The following ASPH variants were observed in gnomAD, a reference collection of about 807,000 sequenced individuals.
ASPH encodes the protein aspartyl/asparaginyl beta-hydroxylase.
In ASPH, 100 loss-of-function variants were observed where a neutral mutation model predicts 118.4. That is an observed-to-expected ratio of 0.84 (90% confidence interval 0.72 to 1.00). ASPH has a LOEUF of 1.00. ASPH is among the 50% of genes least tolerant of loss of function. The probability of loss-of-function intolerance (pLI) is 0.00; values close to 1 mark genes in which losing one functional copy is unlikely to be tolerated. For missense variants in ASPH, 920 were observed against 919.5 expected (o/e 1.00, Z -0.01); for synonymous variants, 315 against 325.6 (o/e 0.97, Z 0.35).
Position 61,503,475 on chromosome 8 carries a change from CA to C in ASPH, c.2160del (p.Asp720GlufsTer17), listed in dbSNP as rs770595847. 82 of 1,612,604 alleles carry C rather than the reference CA, an allele frequency of 5.1e-5. No individual in the cohort carries two copies. The highest frequency in any genetic ancestry group is 6.4e-5 in the Non-Finnish European group (75 of 1,179,406). On this transcript the variant is annotated frameshift_variant, in exon 25 of 25. Transcript: ENST00000379454. LOFTEE classifies it high-confidence loss of function. The stretch of plus-strand genomic sequence containing the variant: ...TGCCATACCTCGTGCTCAAAGGAGT[CA>C]TCAAAGATGAGCACCTTGCCTTCCT... ...TWEEGKVLIF[D>X]DSFEHEVWQD...
chr8:61,609,386 T>G (rs1846603817), intron 14 of ASPH, among the ~76,000 whole-genome samples: 2 of 442 alleles, frequency 4.5e-3, no homozygotes, highest in East Asian at 0.5. Context: ...CTCCAGACAC[T>G]GCCTGTGAGA....
intron 10 of ASPH, among the ~76,000 whole-genome samples, 193 bp from the exon 11 acceptor site, chr8:61,638,556 C>A (rs773374716): frequency 2.0e-5 from 3 of 152,102 alleles, no homozygotes; most frequent in Non-Finnish European, 4.4e-5. Context: ...GATTCTAATT[C>A]CAGGGCAGCC....
intron 13 of ASPH, among the ~76,000 whole-genome samples, chr8:61,623,319 C>T (rs1040040410): frequency 1.3e-5 from 2 of 152,180 alleles, no homozygotes; most frequent in Admixed American, 6.5e-5. Context: ...AGCACCTTTT[C>T]GTATACCTGT....
chr8:61,517,838 C>A (rs1811462235), intron 23 of ASPH, among the ~76,000 whole-genome samples, 177 bp from the exon 24 acceptor site: 1 of 152,068 alleles, frequency 6.6e-6, no homozygotes, highest in East Asian at 1.9e-4. Context: ...TCACATTTTC[C>A]ACAAAGCTAT....
At chr8:61,577,446 G>A (rs2132183010) in intron 15 of ASPH, among the ~76,000 whole-genome samples, 1 of 126,276 alleles carries the variant, frequency 7.9e-6, no homozygotes, top group South Asian at 2.6e-4. Flanking sequence ...GATAAATGAT[G>A]TAATATGTGG....
At chr8:61,604,033 G>A (rs1431742507) in intron 14 of ASPH, among the ~76,000 whole-genome samples, 3 of 152,332 alleles carry the variant, frequency 2.0e-5, no homozygotes, top group African/African-American at 7.2e-5. Context: ...ATAAAGTACA[G>A]GGACATGGAT....
intron 13 of ASPH, among the ~76,000 whole-genome samples, chr8:61,627,573 T>C (rs1197057545): frequency 2.0e-5 from 3 of 152,204 alleles, no homozygotes; most frequent in Non-Finnish European, 4.4e-5. Context: ...TATACCCCAA[T>C]AGAAAAAGTT....
At chr8:61,679,140 G>A (rs1406582051) in intron 3 of ASPH, among the ~76,000 whole-genome samples, 1 of 152,090 alleles carries the variant, frequency 6.6e-6, no homozygotes, top group Non-Finnish European at 1.5e-5. Flanking sequence ...TTCACCTTTG[G>A]TTTGTTTCAT....
chr8:61,618,925 T>A, intron 14 of ASPH, 53 bp downstream of exon 14: 1 of 1,436,964 alleles, frequency 7.0e-7, no homozygotes, highest in South Asian at 1.2e-5. Context: ...CATAAAATCA[T>A]GTTATTCTTT....
intron 21 of ASPH, among the ~76,000 whole-genome samples, chr8:61,537,515 G>A (rs749083676): frequency 2.9e-4 from 44 of 152,050 alleles, no homozygotes; most frequent in Non-Finnish European, 4.7e-4. Flanking sequence ...GACTACAGGT[G>A]CACACCACCA....
At chr8:61,572,295 T>C (rs541252887) in intron 16 of ASPH, among the ~76,000 whole-genome samples, 46 of 152,306 alleles carry the variant, frequency 3.0e-4, no homozygotes, top group African/African-American at 1.0e-3. Context: ...CCCAGCAGGG[T>C]TGACAATCTT....
intron 14 of ASPH, chr8:61,606,934 C>A: frequency 4.5e-6 from 1 of 223,106 alleles, no homozygotes. Context: ...TATCTGGGTT[C>A]ACAGGGCTCT....
chr8:61,538,302 T>A (rs1820423420), intron 21 of ASPH, among the ~76,000 whole-genome samples: 1 of 152,336 alleles, frequency 6.6e-6, no homozygotes, highest in African/African-American at 2.4e-5. Context: ...TTTGTTGACA[T>A]CTTCAGTGAA....
At chr8:61,682,411 G>C (rs1563569204) in intron 2 of ASPH, 1 of 1,603,998 alleles carries the variant, frequency 6.2e-7, no homozygotes. Flanking sequence ...AACACACGTA[G>C]ACTTGAAATG....
At chr8:61,651,364 TA>T (rs1810885347) in intron 4 of ASPH, 2 of 351,724 alleles carry the variant, frequency 5.7e-6, no homozygotes, top group Admixed American at 9.4e-5. Flanking sequence ...ATAAGATTTT[TA>T]AAGAAAACTC....
intron 21 of ASPH, among the ~76,000 whole-genome samples, chr8:61,541,300 C>A (rs569745513): frequency 7.5e-4 from 114 of 152,232 alleles, no homozygotes; most frequent in Non-Finnish European, 1.4e-3. Flanking sequence ...CGAGGCGGAG[C>A]TTGCAGCGAG....
At chr8:61,589,387 GA>G in intron 14 of ASPH, among the ~76,000 whole-genome samples, 2 of 152,236 alleles carry the variant, frequency 1.3e-5, no homozygotes, top group South Asian at 4.2e-4. Context: ...TTTCAAAAAT[GA>G]AATTAAATTT....
At chr8:61,709,468 T>G (rs1837544343) in intron 1 of ASPH, among the ~76,000 whole-genome samples, 1 of 151,970 alleles carries the variant, frequency 6.6e-6, no homozygotes, top group Non-Finnish European at 1.5e-5. Context: ...CCAGAGAAAC[T>G]CATCACACCC....
chr8:61,523,554 T>C (rs1054036095), intron 22 of ASPH, among the ~76,000 whole-genome samples: 4 of 152,068 alleles, frequency 2.6e-5, no homozygotes, highest in African/African-American at 7.2e-5. Flanking sequence ...TGACCTCAAA[T>C]GATCTGCCTG....
Sources: allele counts gnomAD v4.1 joint callset (sites outside exome capture counted in the v4.1 genomes callset), GRCh38; gene constraint gnomAD v4.1.1; transcripts MANE v1.5; gene names NCBI Gene and HGNC (gene_info 2026-07-23, HGNC 2026-07-21).